The following CACNA1E variants were observed in gnomAD, a reference collection of about 807,000 sequenced individuals.
CACNA1E encodes voltage-dependent R-type calcium channel subunit alpha-1E.
A neutral mutation model predicts 259.2 loss-of-function variants in CACNA1E; 40 were observed. The observed-to-expected ratio is 0.15, with a 90% CI of 0.12 to 0.20. The LOEUF (loss-of-function observed/expected upper bound fraction) is 0.20. Ranked by LOEUF, CACNA1E falls within the 10% of genes least tolerant of loss-of-function variation. CACNA1E has a pLI of 1.00. For missense variants in CACNA1E, 1,874 were observed against 3,040.1 expected (o/e 0.62, Z 9.02); for synonymous variants, 1,104 against 1,138.5 (o/e 0.97, Z 0.61).
intron 25 of CACNA1E, among the ~76,000 whole-genome samples, chr1:181,746,818 T>G (rs1023399530): frequency 2.0e-5 from 3 of 152,134 alleles, no homozygotes; most frequent in Non-Finnish European, 4.4e-5. Flanking sequence ...TGAAAGGCAC[T>G]CTAACATCAC....
chr1:181,627,525 G>A (rs186230244), intron 6 of CACNA1E, among the ~76,000 whole-genome samples: 14 of 152,282 alleles, frequency 9.2e-5, no homozygotes, highest in African/African-American at 3.4e-4. Flanking sequence ...CTAACTAGTG[G>A]GCAAAGTAGA....
At chr1:181,354,327 G>A (rs1653267360) in intron 1 of CACNA1E, among the ~76,000 whole-genome samples, 1 of 152,198 alleles carries the variant, frequency 6.6e-6, no homozygotes, top group South Asian at 2.1e-4. Context: ...TCTACAGCAT[G>A]TTAGATGTGG....
Position 181,629,834 on chromosome 1 carries a change from C to T in CACNA1E, c.952-21504C>T, listed in dbSNP as rs1298782017. Among the ~76,000 whole-genome samples, 6 of 152,266 alleles carry T rather than the reference C, an allele frequency of 3.9e-5. No homozygotes were observed. In the East Asian group the frequency reaches 9.6e-4, roughly 24 times the overall value. On this transcript the variant is annotated intron_variant, in intron 6 of 47. Coordinates refer to ENST00000367573, the MANE Select transcript of CACNA1E (RefSeq NM_001205293.3). Reference sequence around the variant, plus strand: ...GCAATAAATTGGACCAATTCTTTATCCATCAGATTGGCTAACATGAGTAGG... The same window carrying T: ...GCAATAAATTGGACCAATTCTTTATTCATCAGATTGGCTAACATGAGTAGG...
intron 1 of CACNA1E, among the ~76,000 whole-genome samples, chr1:181,490,543 G>GGTT (rs1553260168): frequency 6.4e-5 from 8 of 125,316 alleles, no homozygotes; most frequent in African/African-American, 2.4e-4. Flanking sequence ...TGCCAAGCAT[G>GGTT]TTTTTTTTTT....
intron 2 of CACNA1E, among the ~76,000 whole-genome samples, chr1:181,470,735 T>C (rs1264986239): frequency 6.6e-6 from 1 of 152,164 alleles, no homozygotes; most frequent in African/African-American, 2.4e-5. Flanking sequence ...ACTTTTTATC[T>C]TTTCACCTTT....
intron 9 of CACNA1E, 51 bp downstream of exon 9, chr1:181,715,442 C>T (rs375416527): frequency 2.0e-5 from 20 of 976,434 alleles, no homozygotes; most frequent in South Asian, 8.3e-5. Flanking sequence ...CCCTCTTAGG[C>T]GATGGCAATC....
chr1:181,777,098 T>C (rs1660037916), intron 38 of CACNA1E, among the ~76,000 whole-genome samples: 2 of 152,318 alleles, frequency 1.3e-5, no homozygotes, highest in South Asian at 4.1e-4. Flanking sequence ...CTATATATTT[T>C]ACTGTCAAAA....
chr1:181,542,874 A>G (rs1012739228), intron 3 of CACNA1E, among the ~76,000 whole-genome samples: 1 of 149,588 alleles, frequency 6.7e-6, no homozygotes, highest in African/African-American at 2.5e-5. Flanking sequence ...TCCATATATA[A>G]GGGGTTTGAT....
At chr1:181,420,237 C>G (rs867454094) in intron 2 of CACNA1E, among the ~76,000 whole-genome samples, 5 of 151,142 alleles carry the variant, frequency 3.3e-5, no homozygotes, top group African/African-American at 1.2e-4. Context: ...TTTTTTTTGT[C>G]TTTGGCTGGG....
At chr1:181,513,542 T>C (rs1016417769) in intron 3 of CACNA1E, among the ~76,000 whole-genome samples, 12 of 152,218 alleles carry the variant, frequency 7.9e-5, no homozygotes, top group Admixed American at 2.0e-4. Context: ...TGAGACATTT[T>C]ACAAGGTTGA....
rs1188080875 is a variant in CACNA1E, at chr1:181,435,303, G to GT, written c.434+21727dup. Among the ~76,000 whole-genome samples, 5 of 152,284 alleles carry GT rather than the reference G, an allele frequency of 3.3e-5. No individual in the cohort carries two copies. In the East Asian group the frequency reaches 9.6e-4, roughly 29 times the overall value. The stretch of plus-strand genomic sequence containing the variant: ...GAGGCAATATGCAGTTTTGACTGTA[G>GT]TTTTGAGAATTTCCTTAGGATAAAT... On this transcript the variant is annotated intron_variant, in intron 2 of 11. Transcript: ENST00000524607.
At chr1:181,678,926 C>T (rs190331839) in intron 7 of CACNA1E, among the ~76,000 whole-genome samples, 1 of 152,192 alleles carries the variant, frequency 6.6e-6, no homozygotes. Context: ...TCCTGTGAAA[C>T]ATGAATTTTC....
intron 2 of CACNA1E, among the ~76,000 whole-genome samples, chr1:181,429,017 A>G (rs1427753324): frequency 1.3e-5 from 2 of 152,086 alleles, no homozygotes; most frequent in Non-Finnish European, 2.9e-5. Context: ...CCCCATCTCT[A>G]CTAAAAATAT....
At position 181,631,049 on chromosome 1, in the gene CACNA1E, C is replaced by T. The variant is rs565823391; in HGVS notation, c.952-20289C>T. On this transcript the variant is annotated intron_variant, in intron 6 of 47. Coordinates refer to ENST00000367573, the MANE Select transcript of CACNA1E (RefSeq NM_001205293.3). ...GGAGCCCTGGGTTTTTCACCCTCAG[C>T]CCCAGGGCTCTTTGAAGGCCTACTC... Among the ~76,000 whole-genome samples the T allele has an allele frequency of 2.0e-5, 3 of 152,336 alleles. No individual in the cohort carries two copies. The East Asian group carries it at 5.8e-4, about 29-fold the overall frequency.
At chr1:181,488,212 A>G (rs570979950) in intron 1 of CACNA1E, among the ~76,000 whole-genome samples, 53 of 152,332 alleles carry the variant, frequency 3.5e-4, no homozygotes, top group African/African-American at 1.3e-3. Context: ...TTTGTTGCCT[A>G]TAAATGTATA....
rs377584745 is a variant in CACNA1E, at chr1:181,790,573, T to G, written c.5898+17T>G. The stretch of plus-strand genomic sequence containing the variant: ...CAGTCTCTGGTGAATGCATGAGTTA[T>G]ATGACCTCAAAACTACTTCCTTGGT... On this transcript the variant is annotated intron_variant, in intron 44 of 47. Coordinates refer to ENST00000367573, the MANE Select transcript of CACNA1E (RefSeq NM_001205293.3). The G allele has an allele frequency of 1.1e-5, 15 of 1,421,922 alleles. No homozygotes were observed. In the African/African-American group the frequency reaches 1.9e-4, roughly 18 times the overall value. 88.1% of individuals were successfully genotyped at this position (1,421,922 alleles called of 1,614,324 possible).
intron 7 of CACNA1E, among the ~76,000 whole-genome samples, chr1:181,658,679 G>T (rs995148305): frequency 4.6e-5 from 7 of 152,200 alleles, no homozygotes; most frequent in Admixed American, 3.3e-4. Context: ...CAGATTAGAT[G>T]TCATGGAACT....
intron 7 of CACNA1E, among the ~76,000 whole-genome samples, chr1:181,701,859 G>T (rs1159731138): frequency 2.6e-5 from 4 of 151,984 alleles, no homozygotes; most frequent in Admixed American, 2.0e-4. Context: ...TGGGTTTTTT[G>T]GTTTTGTTTT....
At chr1:181,401,615 CA>C (rs34367520) in intron 1 of CACNA1E, among the ~76,000 whole-genome samples, 1 of 151,822 alleles carries the variant, frequency 6.6e-6, no homozygotes, top group Admixed American at 6.6e-5. Context: ...GTGCTTGGCT[CA>C]AAAAAAGGAA....
Sources: gnomAD v4.1 joint callset for allele counts (sites outside exome capture counted in the v4.1 genomes callset) on GRCh38, gnomAD v4.1.1 for gene constraint, MANE v1.5 for transcripts, NCBI Gene and HGNC (gene_info 2026-07-23, HGNC 2026-07-21) for gene names.